Variants in LCORL observed in about 807,000 individuals in gnomAD.
LCORL encodes the protein ligand dependent nuclear receptor corepressor like, also known as ligand-dependent nuclear receptor corepressor-like protein.
A neutral mutation model predicts 141.8 loss-of-function variants in LCORL; 41 were observed. The observed-to-expected ratio is 0.29, with a 90% CI of 0.23 to 0.38. LCORL has a LOEUF of 0.38. LCORL is among the 10% of genes least tolerant of loss of function. LCORL has a pLI of 1.00. For missense variants in LCORL, 1,759 were observed against 2,035.0 expected (o/e 0.86, Z 2.61); for synonymous variants, 618 against 694.1 (o/e 0.89, Z 1.72).
At chr4:17,936,890 A>C (rs1046844513) in intron 4 of LCORL, among the ~76,000 whole-genome samples, 3 of 152,174 alleles carry the variant, frequency 2.0e-5, no homozygotes, top group African/African-American at 7.2e-5. Context: ...GGAAGTTCCT[A>C]ATCACCACCA....
At chr4:17,845,882 C>T in exon 8 of LCORL, 2 of 1,610,266 alleles carry the variant, frequency 1.2e-6, no homozygotes, top group South Asian at 2.2e-5. Context: ...AGTTTCTCAT[C>T]AGTTTTCACT....
chr4:17,966,267 G>C (rs1296750811), intron 2 of LCORL, among the ~76,000 whole-genome samples: 1 of 151,956 alleles, frequency 6.6e-6, no homozygotes, highest in African/African-American at 2.4e-5. Flanking sequence ...AATCTGGCTA[G>C]CCAATGAAGA....
chr4:17,976,789 C>A (rs1363370943), intron 1 of LCORL, among the ~76,000 whole-genome samples: 1 of 152,030 alleles, frequency 6.6e-6, no homozygotes, highest in Non-Finnish European at 1.5e-5. Flanking sequence ...GTGCTTTCAC[C>A]GTCTAGTGGT....
Position 18,021,667 on chromosome 4 carries a change from A to G in LCORL, c.85T>C (p.Cys29Arg). 1 of 1,545,146 alleles carries G rather than the reference A, an allele frequency of 6.5e-7. No individual in the cohort carries two copies. Among genetic ancestry groups the G allele is most frequent in the Non-Finnish European group, 8.7e-7 (1 of 1,144,764 alleles). Residue 29 changes from cysteine (C) to arginine (R), a missense_variant, in exon 1 of 8, where the codon TGC becomes CGC. Around this residue, in one of 5 missense-constraint regions of LCORL, gnomAD observed 86 missense variants for 61.8 expected, o/e 1.39. Coordinates refer to ENST00000635767, the Ensembl canonical transcript of LCORL. The surrounding 1 kb of genome is among the most constrained non-coding windows in gnomAD (Gnocchi z 5.5). ...CGGAATCCTCTTCTCTCCGCCGCGCACCGAGGGCTCCGGCACTGAGCGGCG... is the reference window on the plus strand; with the variant it reads ...CGGAATCCTCTTCTCTCCGCCGCGCGCCGAGGGCTCCGGCACTGAGCGGCG...
At chr4:17,913,729 C>A (rs190466616) in intron 4 of LCORL, among the ~76,000 whole-genome samples, 2 of 152,302 alleles carry the variant, frequency 1.3e-5, no homozygotes, top group Admixed American at 1.3e-4. Context: ...CAGGCGTCCA[C>A]CTTACAGTCC....
intron 1 of LCORL, among the ~76,000 whole-genome samples, chr4:18,014,912 C>T (rs750151965): frequency 9.2e-5 from 14 of 152,152 alleles, no homozygotes; most frequent in Non-Finnish European, 1.6e-4. Context: ...TACAGTTAGG[C>T]AGGTCCTTAA....
chr4:17,857,082 T>C (rs1482715592), intron 7 of LCORL, among the ~76,000 whole-genome samples: 1 of 152,140 alleles, frequency 6.6e-6, no homozygotes, highest in East Asian at 1.9e-4. Context: ...CTGGCCATGA[T>C]GAAGTAACAG....
intron 4 of LCORL, among the ~76,000 whole-genome samples, chr4:17,952,624 C>G (rs1437997021): frequency 1.3e-5 from 2 of 152,058 alleles, no homozygotes; most frequent in African/African-American, 2.4e-5. Context: ...ACCGTGTTAT[C>G]CAGGATGGTC....
chr4:17,893,581 G>C (rs1729434774), intron 5 of LCORL: 1 of 985,150 alleles, frequency 1.0e-6, no homozygotes, highest in Non-Finnish European at 1.2e-6. Context: ...CCTGCAGATA[G>C]CTCTGGGTGG....
intron 1 of LCORL, among the ~76,000 whole-genome samples, chr4:18,015,001 C>A (rs145821870): frequency 5.3e-4 from 81 of 152,130 alleles, no homozygotes; most frequent in Middle Eastern, 3.4e-3. Context: ...GGAAGGAATA[C>A]TACTAAAAAG....
At chr4:17,996,787 A>G (rs921068321) in intron 1 of LCORL, among the ~76,000 whole-genome samples, 38 of 152,244 alleles carry the variant, frequency 2.5e-4, no homozygotes, top group Admixed American at 2.1e-3. Context: ...TTCCAGGTTC[A>G]CTAAAACCTC....
intron 4 of LCORL, among the ~76,000 whole-genome samples, chr4:17,950,553 G>A (rs555144900): frequency 6.6e-6 from 1 of 152,142 alleles, no homozygotes; most frequent in South Asian, 2.1e-4. Flanking sequence ...CAGGCTTGGA[G>A]GAAAATATCA....
At chr4:17,975,627 C>T (rs1183467506) in intron 1 of LCORL, among the ~76,000 whole-genome samples, 2 of 152,106 alleles carry the variant, frequency 1.3e-5, no homozygotes, top group Non-Finnish European at 2.9e-5. Context: ...AACTCCTGAC[C>T]TCAGGTGATC....
intron 5 of LCORL, among the ~76,000 whole-genome samples, chr4:17,891,501 A>G (rs1293698469): frequency 6.6e-6 from 1 of 152,168 alleles, no homozygotes; most frequent in Non-Finnish European, 1.5e-5. Context: ...TTTTTTAAAA[A>G]CACTAAATAT....
At chr4:17,858,145 C>T (rs12233810) in intron 7 of LCORL, among the ~76,000 whole-genome samples, 38,163 of 151,914 alleles carry the variant, frequency 0.25, 5,155 homozygotes, top group East Asian at 0.46. Flanking sequence ...ATGAGCACGA[C>T]GTGGACAAAT....
intron 4 of LCORL, among the ~76,000 whole-genome samples, chr4:17,915,419 T>C (rs1733238355): frequency 6.6e-6 from 1 of 152,216 alleles, no homozygotes; most frequent in African/African-American, 2.4e-5. Flanking sequence ...TGTCTGTTGT[T>C]TGAAACTCAA....
Position 17,925,786 on chromosome 4 carries a change from G to A in LCORL, c.431-16441C>T, listed in dbSNP as rs141345275. On this transcript the variant is annotated intron_variant, in intron 4 of 7. Transcript: ENST00000635767. ...CTCGGGAGGCTGAGGCAGGAGAAAC[G>A]TTTGAACCTGGGAGGTGGAGGTTGC... is the stretch of plus-strand genomic sequence containing the variant. Among the ~76,000 whole-genome samples the A allele has an allele frequency of 2.8e-3, 410 of 147,770 alleles. 4 individuals are homozygous for A. Among genetic ancestry groups the A allele is most frequent in the African/African-American group, 1.0e-2 (390 of 39,188 alleles).
intron 1 of LCORL, among the ~76,000 whole-genome samples, chr4:17,979,092 C>G (rs1560433875): frequency 6.6e-6 from 1 of 152,112 alleles, no homozygotes. Context: ...GTTCCCCTTC[C>G]TGTGTCCATG....
intron 1 of LCORL, among the ~76,000 whole-genome samples, chr4:17,981,576 T>C (rs901989265): frequency 2.0e-5 from 3 of 151,812 alleles, no homozygotes; most frequent in African/African-American, 7.3e-5. Flanking sequence ...CATCTCTCTC[T>C]CTATAAAAAA....
Sources: allele counts gnomAD v4.1 joint callset (sites outside exome capture counted in the v4.1 genomes callset), GRCh38; gene constraint gnomAD v4.1.1; regional missense constraint gnomAD v4.1.1; non-coding constraint Gnocchi (gnomAD v3.1); transcripts MANE v1.5; gene names NCBI Gene and HGNC (gene_info 2026-07-23, HGNC 2026-07-21).